Variants in BBS12 observed in about 807,000 individuals in gnomAD.
BBS12 encodes the protein Bardet-Biedl syndrome 12.
A neutral mutation model predicts 5.6 loss-of-function variants in BBS12; 5 were observed. The observed-to-expected ratio is 0.89, with a 90% CI of 0.46 to 1.86. The LOEUF (loss-of-function observed/expected upper bound fraction) is 1.86. BBS12 is among the 40% of genes most tolerant of loss of function. The pLI is 0.01. For missense variants in BBS12, 748 were observed against 830.4 expected, an observed-to-expected ratio of 0.90 and a Z score of 1.22; for synonymous variants, 308 against 306.8, an observed-to-expected ratio of 1.00 and a Z score of -0.04.
At position 122,743,222 on chromosome 4, in the gene BBS12, G is replaced by A. The variant is rs956001967; in HGVS notation, c.1330G>A (p.Ala444Thr). ...IGSVNGSVMQ[A>T]FAEAAGAVQV... The stretch of plus-strand genomic sequence containing the variant: ...CTCAGTGAATGGCAGTGTGATGCAG[G>A]CTTTTGCAGAGGCTGCAGGAGCAGT... The change falls in exon 2 of 2, where the codon GCT becomes ACT. Residue 444 changes from alanine (A) to threonine (T), a missense_variant. Physicochemically the swap from Ala to Thr is moderately conservative, Grantham distance 58 (BLOSUM62 0). Coordinates refer to ENST00000314218, the MANE Select transcript of BBS12 (RefSeq NM_152618.3). The A allele has an allele frequency of 6.2e-7, 1 of 1,614,218 alleles. No homozygotes were observed.
chr4:122,742,057 G>T lies in BBS12; in HGVS notation c.165G>T (p.Arg55Ser). ...GTGTATTAATCAGTTCAACAGTAAG[G>T]CTTCTTGAAAGTTTGGATTTAACCA... ...HESVLISSTVRLLESLDLTSA... is the reference protein window; with the variant it reads ...HESVLISSTVSLLESLDLTSA... Residue 55 changes from arginine to serine, a missense_variant, in exon 2 of 2, where the codon AGG becomes AGT. By Grantham distance (110) the Arg-to-Ser change is moderately radical. Transcript: ENST00000314218. 2 of 1,614,092 alleles carry T rather than the reference G, an allele frequency of 1.2e-6. No individual in the cohort carries two copies. Among genetic ancestry groups the T allele is most frequent in the Non-Finnish European group, 1.7e-6 (2 of 1,179,996 alleles).
At chr4:122,718,887 C>T in the BBS12 span, among the ~76,000 whole-genome samples, 2 of 152,130 alleles carry the variant, frequency 1.3e-5, no homozygotes, top group East Asian at 1.9e-4. Context: ...GGCACAATCT[C>T]GGCTCACTGC....
the BBS12 span, among the ~76,000 whole-genome samples, chr4:122,724,553 C>G: frequency 1.3e-5 from 2 of 152,066 alleles, no homozygotes; most frequent in Admixed American, 6.6e-5. Flanking sequence ...GACTGTGAAA[C>G]CATAAAATAG....
At chr4:122,719,061 C>T in the BBS12 span, among the ~76,000 whole-genome samples, 2 of 152,078 alleles carry the variant, frequency 1.3e-5, no homozygotes, top group African/African-American at 4.8e-5. Context: ...CCTCGTGATC[C>T]GCCCACCTCA....
chr4:122,733,875 T>C, intron 1 of BBS12: 1 of 148,792 alleles, frequency 6.7e-6, no homozygotes, highest in East Asian at 2.0e-4. Flanking sequence ...TTTTTTTTTT[T>C]TTTTTTTGTC....
chr4:122,727,437 G>C, the BBS12 span, among the ~76,000 whole-genome samples: 2 of 151,668 alleles, frequency 1.3e-5, no homozygotes, highest in South Asian at 4.2e-4. Context: ...GTAGAGACAG[G>C]GTTTCACCAT....
At chr4:122,725,165 T>C in the BBS12 span, among the ~76,000 whole-genome samples, 1 of 152,188 alleles carries the variant, frequency 6.6e-6, no homozygotes, top group Non-Finnish European at 1.5e-5. Flanking sequence ...GTAGAATCAA[T>C]ATTGTGAAAA....
At chr4:122,702,374 A>G in the BBS12 span, among the ~76,000 whole-genome samples, 1 of 152,240 alleles carries the variant, frequency 6.6e-6, no homozygotes. Context: ...GAATAGGAGC[A>G]AAGAGATCTG....
rs762298486 is a variant in BBS12 at position 122,742,903 on chromosome 4, T to C, written c.1011T>C (p.Val337=). 15 of 1,614,106 alleles carry C rather than the reference T, an allele frequency of 9.3e-6. No individual in the cohort carries two copies. The highest frequency in any genetic ancestry group is 2.2e-5 in the South Asian group (2 of 91,080). ...SSCVCPGYIT[V]VSVSNNPVIK... is the part of the protein sequence containing the mutation. Reference sequence around the variant, plus strand: ...GTGTTTGTCCAGGATATATCACTGTTGTGTCAGTATCTAATAATCCTGTGA... The same window carrying C: ...GTGTTTGTCCAGGATATATCACTGTCGTGTCAGTATCTAATAATCCTGTGA... The change falls in exon 2 of 2, where the codon GTT becomes GTC. Residue 337 remains valine (V), a synonymous_variant. Transcript: ENST00000314218.
chr4:122,743,871 CGA>C lies in BBS12; in HGVS notation c.1983_1984del (p.Arg661SerfsTer3). On this transcript the variant is annotated frameshift_variant, in exon 2 of 2. Coordinates refer to ENST00000314218, the MANE Select transcript of BBS12 (RefSeq NM_152618.3). LOFTEE classifies it high-confidence loss of function. The stretch of plus-strand genomic sequence containing the variant: ...ATTTCAAATAAACTGGAGCAGATTC[CGA>C]GAGTTTATGACGTTGTTACACCAAA... 1 of 1,604,846 alleles carries C rather than the reference CGA, an allele frequency of 6.2e-7. No individual in the cohort carries two copies. The highest frequency in any genetic ancestry group is 1.3e-5 in the African/African-American group (1 of 74,530).
At chr4:122,716,883 A>C in the BBS12 span, among the ~76,000 whole-genome samples, 1 of 152,094 alleles carries the variant, frequency 6.6e-6, no homozygotes, top group Non-Finnish European at 1.5e-5. Flanking sequence ...ATTTCTTTAC[A>C]TTTTCCCCTA....
At chr4:122,716,449 T>A in the BBS12 span, among the ~76,000 whole-genome samples, 1 of 150,976 alleles carries the variant, frequency 6.6e-6, no homozygotes, top group Non-Finnish European at 1.5e-5. Flanking sequence ...AGTTACTATT[T>A]CATATCATCT....
chr4:122,725,095 C>T, the BBS12 span, among the ~76,000 whole-genome samples: 3,774 of 152,166 alleles, frequency 0.025, 75 homozygotes, highest in African/African-American at 0.049. Flanking sequence ...TTTACTGTTA[C>T]ATAGCACAAA....
rs1183146847 is a variant in BBS12 at position 122,742,693 on chromosome 4, T to A, written c.801T>A (p.Asp267Glu). ...CTCACAAAACTTACAGATGTAATGATTTGGTAGAGTTGGCAGTAGGCTTGA... is the reference window on the plus strand; with the variant it reads ...CTCACAAAACTTACAGATGTAATGAATTGGTAGAGTTGGCAGTAGGCTTGA... ...TATHKTYRCN[D>E]LVELAVGLSH... The change falls in exon 2 of 2, where the codon GAT becomes GAA. Residue 267 changes from aspartate (D) to glutamate (E), a missense_variant. Coordinates refer to ENST00000314218, the MANE Select transcript of BBS12 (RefSeq NM_152618.3). 3 of 1,614,076 alleles carry A rather than the reference T, an allele frequency of 1.9e-6. No homozygotes were observed. Among genetic ancestry groups the A allele is most frequent in the Non-Finnish European group, 2.5e-6 (3 of 1,180,038 alleles).
the BBS12 span, among the ~76,000 whole-genome samples, chr4:122,718,097 A>G: frequency 1.6e-3 from 238 of 152,344 alleles, no homozygotes; most frequent in African/African-American, 5.5e-3. Flanking sequence ...CTTAAGTAAG[A>G]AAATCCATGT....
At chr4:122,700,645 C>T in the BBS12 span, among the ~76,000 whole-genome samples, 1 of 152,156 alleles carries the variant, frequency 6.6e-6, no homozygotes, top group East Asian at 1.9e-4. Flanking sequence ...AGTTGGTAAC[C>T]GGTGCGCAGT....
chr4:122,715,115 T>C, the BBS12 span, among the ~76,000 whole-genome samples: 22 of 151,744 alleles, frequency 1.4e-4, no homozygotes, highest in Non-Finnish European at 2.8e-4. Flanking sequence ...AATTTCATAC[T>C]ACACAGTTGG....
At chr4:122,705,442 A>C in the BBS12 span, among the ~76,000 whole-genome samples, 1 of 152,206 alleles carries the variant, frequency 6.6e-6, no homozygotes, top group South Asian at 2.1e-4. Flanking sequence ...CCCTACCTCT[A>C]CCAAAAACAA....
chr4:122,740,976 G>C (rs1339829338), intron 1 of BBS12, among the ~76,000 whole-genome samples: 1 of 152,144 alleles, frequency 6.6e-6, no homozygotes, highest in Non-Finnish European at 1.5e-5. Flanking sequence ...GTAGGATTAA[G>C]TTCACACCCA....
Sources: gnomAD v4.1 joint callset for allele counts (sites outside exome capture counted in the v4.1 genomes callset) on GRCh38, gnomAD v4.1.1 for gene constraint, MANE v1.5 for transcripts, NCBI Gene and HGNC (gene_info 2026-07-23, HGNC 2026-07-21) for gene names.